CCDC171: variants seen among roughly 807,000 people sequenced by gnomAD.
CCDC171 encodes the protein coiled-coil domain-containing protein 171.
A neutral mutation model predicts 168.2 loss-of-function variants in CCDC171; 177 were observed. The ratio of observed to expected loss-of-function variants is 1.05; its 90% CI spans 0.93 to 1.19. CCDC171 has a LOEUF of 1.19. CCDC171 is among the 50% of genes most tolerant of loss of function. CCDC171 has a pLI of 0.00. For missense variants in CCDC171, 1,991 were observed against 1,539.0 expected (o/e 1.29, Z -4.91); for synonymous variants, 687 against 540.8 (o/e 1.27, Z -3.75).
intron 18 of CCDC171, among the ~76,000 whole-genome samples, chr9:15,771,094 A>G (rs967254020): frequency 6.6e-6 from 1 of 152,186 alleles, no homozygotes; most frequent in Non-Finnish European, 1.5e-5. Context: ...TAATTTACTC[A>G]GCAAATTTCC....
At chr9:15,911,730 G>A (rs879532893) in intron 24 of CCDC171, among the ~76,000 whole-genome samples, 15 of 152,202 alleles carry the variant, frequency 9.9e-5, no homozygotes, top group Non-Finnish European at 1.9e-4. Context: ...TGTATAAGGT[G>A]TAAGGAAGGG....
chr9:16,010,598 C>A (rs993415536), intron 3 of CCDC171, among the ~76,000 whole-genome samples: 6 of 152,138 alleles, frequency 3.9e-5, no homozygotes, highest in Non-Finnish European at 8.8e-5. Context: ...CTTTTCCTTT[C>A]CACGCTTCTT....
At chr9:15,663,501 G>T (rs537185060) in intron 8 of CCDC171, among the ~76,000 whole-genome samples, 1 of 151,562 alleles carries the variant, frequency 6.6e-6, no homozygotes, top group African/African-American at 2.4e-5. Flanking sequence ...GCCAAATGTA[G>T]CATACTATAT....
intron 24 of CCDC171, among the ~76,000 whole-genome samples, chr9:15,893,255 C>A (rs1244582701): frequency 6.6e-6 from 1 of 152,140 alleles, no homozygotes; most frequent in Non-Finnish European, 1.5e-5. Flanking sequence ...AACTGGACCC[C>A]TTCTTTACAC....
intron 25 of CCDC171, among the ~76,000 whole-genome samples, chr9:15,930,462 C>A (rs1019137615): frequency 1.3e-5 from 2 of 151,208 alleles, no homozygotes; most frequent in Non-Finnish European, 3.0e-5. Flanking sequence ...TTTCAACATA[C>A]CACTTAAATG....
chr9:16,106,366 C>T, the CCDC171 span, among the ~76,000 whole-genome samples: 3 of 152,196 alleles, frequency 2.0e-5, no homozygotes, highest in Non-Finnish European at 4.4e-5. Context: ...TGCTTTTGGA[C>T]TCCGCATTTC....
At chr9:15,795,552 A>T in intron 21 of CCDC171, among the ~76,000 whole-genome samples, 1 of 152,324 alleles carries the variant, frequency 6.6e-6, no homozygotes. Context: ...TCAACACCAA[A>T]TGATGAGAAG....
At chr9:15,630,288 G>T (rs559560904) in intron 7 of CCDC171, among the ~76,000 whole-genome samples, 1 of 152,056 alleles carries the variant, frequency 6.6e-6, no homozygotes, top group African/African-American at 2.4e-5. Flanking sequence ...CCCATCTCAC[G>T]TGCAGAGACA....
intron 21 of CCDC171, among the ~76,000 whole-genome samples, chr9:15,788,588 G>GTTT (rs753248504): frequency 1.4e-5 from 2 of 140,446 alleles, no homozygotes; most frequent in African/African-American, 2.6e-5. Flanking sequence ...ATATGTTTTT[G>GTTT]TTTTTTTTTT....
chr9:15,880,417 A>C (rs1303715543), intron 24 of CCDC171, among the ~76,000 whole-genome samples: 1 of 151,436 alleles, frequency 6.6e-6, no homozygotes. Flanking sequence ...CAATAATTAA[A>C]TCATGCTAAT....
chr9:15,869,790 G>A (rs2061955761), intron 23 of CCDC171, among the ~76,000 whole-genome samples: 3 of 151,572 alleles, frequency 2.0e-5, no homozygotes, highest in South Asian at 4.2e-4. Flanking sequence ...ACAGATTTCT[G>A]GAAAAATTGA....
chr9:15,975,789 C>T (rs899282868), downstream of CCDC171, among the ~76,000 whole-genome samples: 2 of 152,050 alleles, frequency 1.3e-5, no homozygotes, highest in African/African-American at 2.4e-5. Flanking sequence ...TGAATAATGG[C>T]CGTACGAGAT....
chr9:15,607,117 C>T (rs541499996), intron 6 of CCDC171, among the ~76,000 whole-genome samples: 19 of 152,224 alleles, frequency 1.2e-4, no homozygotes, highest in African/African-American at 4.6e-4. Context: ...AAACTTAAAG[C>T]AAATATTTGA....
At chr9:15,708,004 C>T (rs763928798) in intron 11 of CCDC171, among the ~76,000 whole-genome samples, 11 of 152,100 alleles carry the variant, frequency 7.2e-5, no homozygotes, top group Admixed American at 2.0e-4. Context: ...TCCAGCACTA[C>T]GCCTGGCTAA....
At chr9:15,886,941 C>G (rs911275642) in intron 24 of CCDC171, 2 of 152,064 alleles carry the variant, frequency 1.3e-5, no homozygotes, top group Admixed American at 1.3e-4. Flanking sequence ...AAAAATCTTA[C>G]TCACAGAAAC....
intron 23 of CCDC171, among the ~76,000 whole-genome samples, chr9:15,855,881 G>A (rs529097864): frequency 1.4e-4 from 21 of 151,882 alleles, no homozygotes; most frequent in Non-Finnish European, 2.2e-4. Flanking sequence ...TTGTGTGCCC[G>A]TCAACATAGT....
intron 24 of CCDC171, among the ~76,000 whole-genome samples, chr9:15,899,323 C>T (rs1377512031): frequency 6.7e-6 from 1 of 150,314 alleles, no homozygotes; most frequent in African/African-American, 2.5e-5. Flanking sequence ...TCTGTTTGGG[C>T]ACAAGTTTTC....
chr9:15,598,571 A>C (rs910972985), intron 6 of CCDC171, among the ~76,000 whole-genome samples: 4 of 152,086 alleles, frequency 2.6e-5, no homozygotes, highest in African/African-American at 4.8e-5. Flanking sequence ...ACTTCCAACT[A>C]TGTGGTCAAT....
At chr9:16,028,070 A>G (rs1308322563) in intron 6 of CCDC171, among the ~76,000 whole-genome samples, 4 of 152,196 alleles carry the variant, frequency 2.6e-5, no homozygotes, top group African/African-American at 9.7e-5. Flanking sequence ...TTTGTGAAGG[A>G]CATTCCAGGG....
Sources: allele counts gnomAD v4.1 joint callset (sites outside exome capture counted in the v4.1 genomes callset), GRCh38; gene constraint gnomAD v4.1.1; transcripts MANE v1.5; gene names NCBI Gene and HGNC (gene_info 2026-07-23, HGNC 2026-07-21).